GRIN2B: variants seen among roughly 807,000 people sequenced by gnomAD.
GRIN2B encodes the protein glutamate receptor ionotropic, NMDA 2B.
GRIN2B carries 5 observed loss-of-function variants against 114.5 expected under a neutral mutation model. The observed-to-expected ratio is 0.04, with a 90% CI of 0.02 to 0.09. The LOEUF is 0.09. Ranked by LOEUF, GRIN2B falls within the 10% of genes least tolerant of loss-of-function variation. The pLI is 1.00. For missense variants in GRIN2B, 1,108 were observed against 1,943.5 expected, an observed-to-expected ratio of 0.57 and a Z score of 8.08; for synonymous variants, 787 against 745.1, an observed-to-expected ratio of 1.06 and a Z score of -0.92.
At chr12:13,823,267 G>A (rs1164358467) in intron 3 of GRIN2B, among the ~76,000 whole-genome samples, 1 of 152,004 alleles carries the variant, frequency 6.6e-6, no homozygotes, top group Non-Finnish European at 1.5e-5. Context: ...AAAGAGAGTT[G>A]AAATCTTAAA....
At position 13,697,191 on chromosome 12, in the gene GRIN2B, C is replaced by T. The variant is rs893176757; in HGVS notation, c.1011-21332G>A. Among the ~76,000 whole-genome samples the T allele has an allele frequency of 2.6e-5, 4 of 152,120 alleles. No individual in the cohort carries two copies. The South Asian group carries it at 8.3e-4, about 32-fold the overall frequency. On this transcript the variant is annotated intron_variant, in intron 4 of 13. Coordinates refer to ENST00000609686, the MANE Select transcript of GRIN2B (RefSeq NM_000834.5). ...AAATTCTGAGTTGCCATGAATTACT[C>T]CCACAACTCAGGAGAGAGGCAAAGA...
chr12:13,605,688 C>T lies in GRIN2B; in HGVS notation c.2010+2915G>A, dbSNP rs1166597290. Among the ~76,000 whole-genome samples the T allele has an allele frequency of 4.0e-5, 6 of 151,876 alleles. No individual in the cohort carries two copies. The East Asian group carries it at 1.2e-3, about 29-fold the overall frequency. On this transcript the variant is annotated intron_variant, in intron 10 of 13. Transcript: ENST00000609686. The stretch of plus-strand genomic sequence containing the variant: ...GCATATCCTGTCCGCTTTAAGAAGC[C>T]TAGAAATGGTACTTATTTCAAAATC...
intron 10 of GRIN2B, among the ~76,000 whole-genome samples, chr12:13,606,956 A>G (rs1200064380): frequency 1.3e-5 from 2 of 151,054 alleles, no homozygotes; most frequent in Non-Finnish European, 2.9e-5. Context: ...TAAAGCAAAA[A>G]GGAAGACAAA....
At chr12:13,756,234 T>C (rs1410226494) in intron 3 of GRIN2B, among the ~76,000 whole-genome samples, 2 of 152,178 alleles carry the variant, frequency 1.3e-5, no homozygotes, top group Non-Finnish European at 2.9e-5. Flanking sequence ...CAGGCTGGTC[T>C]TGAACTCCTA....
chr12:13,850,894 T>C (rs897113839), intron 3 of GRIN2B, among the ~76,000 whole-genome samples: 4 of 152,172 alleles, frequency 2.6e-5, no homozygotes, highest in African/African-American at 7.2e-5. Flanking sequence ...TCTGATTCTC[T>C]TTCTTCATCT....
chr12:13,606,370 G>A (rs987085367), intron 10 of GRIN2B, among the ~76,000 whole-genome samples: 2 of 152,192 alleles, frequency 1.3e-5, no homozygotes, highest in Admixed American at 6.5e-5. Context: ...GAGGAAGCAA[G>A]AGAGAGGGGA....
intron 10 of GRIN2B, among the ~76,000 whole-genome samples, chr12:13,578,389 C>T (rs1361057175): frequency 6.6e-6 from 1 of 152,206 alleles, no homozygotes; most frequent in Non-Finnish European, 1.5e-5. Flanking sequence ...CTGAGAGAAT[C>T]GGTGCACCAT....
intron 3 of GRIN2B, among the ~76,000 whole-genome samples, chr12:13,833,664 G>A (rs191179951): frequency 9.9e-4 from 151 of 152,228 alleles, no homozygotes; most frequent in South Asian, 2.5e-3. Context: ...TGCAAACATG[G>A]GACTGATAGA....
At chr12:13,731,549 C>T (rs7980772) in intron 4 of GRIN2B, among the ~76,000 whole-genome samples, 1,932 of 152,112 alleles carry the variant, frequency 0.013, 39 homozygotes, top group African/African-American at 0.044. Context: ...TGCAGTGAGC[C>T]GAGATTGCAC....
chr12:13,711,363 C>A (rs977188114), intron 4 of GRIN2B, among the ~76,000 whole-genome samples: 5 of 152,082 alleles, frequency 3.3e-5, no homozygotes, highest in African/African-American at 1.2e-4. Flanking sequence ...GCAACAAAAG[C>A]CAAAATTGAG....
Position 13,931,197 on chromosome 12 carries a change from G to T in GRIN2B, c.-19+48731C>A, listed in dbSNP as rs1867024733. 2.0e-5 allele frequency among the ~76,000 whole-genome samples: 3 copies of T among 152,198 alleles called. No homozygotes were observed. In the South Asian group the frequency reaches 6.2e-4, roughly 32 times the overall value. The stretch of plus-strand genomic sequence containing the variant: ...CAGTGGCATTTATTTCCTAATACTT[G>T]CAGAACATCATTTACTCACACTCTA... On this transcript the variant is annotated intron_variant, in intron 2 of 13. Transcript: ENST00000609686.
intron 2 of GRIN2B, among the ~76,000 whole-genome samples, chr12:13,971,329 G>A (rs1236816574): frequency 6.6e-6 from 1 of 152,128 alleles, no homozygotes; most frequent in Non-Finnish European, 1.5e-5. Flanking sequence ...ATAAATCTGG[G>A]TTTTTTCTTG....
intron 3 of GRIN2B, among the ~76,000 whole-genome samples, chr12:13,781,021 A>G (rs1251169430): frequency 6.6e-6 from 1 of 152,214 alleles, no homozygotes; most frequent in East Asian, 1.9e-4. Flanking sequence ...AGGACACTCA[A>G]CAAAGTTCCT....
At chr12:13,609,822 A>G (rs1949341235) in intron 9 of GRIN2B, among the ~76,000 whole-genome samples, 1 of 152,084 alleles carries the variant, frequency 6.6e-6, no homozygotes, top group Non-Finnish European at 1.5e-5. Context: ...AAGTCATAGA[A>G]TCCTGGCCTG....
intron 10 of GRIN2B, among the ~76,000 whole-genome samples, chr12:13,607,293 T>A (rs5796552): frequency 3.6e-4 from 21 of 58,062 alleles, no homozygotes; most frequent in African/African-American, 5.1e-4. Flanking sequence ...ATATATTATA[T>A]AAAAATATAT....
chr12:13,604,873 A>G (rs1193838119), intron 10 of GRIN2B, among the ~76,000 whole-genome samples: 1 of 152,220 alleles, frequency 6.6e-6, no homozygotes, highest in Admixed American at 6.5e-5. Context: ...ATGTTGACAG[A>G]TTCTGGTAGG....
intron 3 of GRIN2B, among the ~76,000 whole-genome samples, chr12:13,762,694 T>C (rs1001910037): frequency 1.3e-5 from 2 of 152,212 alleles, no homozygotes; most frequent in African/African-American, 4.8e-5. Flanking sequence ...CTTGTACACA[T>C]GGGCCTCTTC....
intron 10 of GRIN2B, among the ~76,000 whole-genome samples, chr12:13,577,402 A>G (rs1227447262): frequency 6.6e-6 from 1 of 152,136 alleles, no homozygotes; most frequent in Non-Finnish European, 1.5e-5. Context: ...ATGACCTCAA[A>G]GTGAATTAGT....
intron 5 of GRIN2B, among the ~76,000 whole-genome samples, chr12:13,619,712 A>G (rs1949492462): frequency 6.6e-6 from 1 of 152,232 alleles, no homozygotes; most frequent in East Asian, 1.9e-4. Context: ...CACTGACCAT[A>G]TCTAGTAATC....
Sources: allele counts gnomAD v4.1 joint callset (sites outside exome capture counted in the v4.1 genomes callset), GRCh38; gene constraint gnomAD v4.1.1; transcripts MANE v1.5; gene names NCBI Gene and HGNC (gene_info 2026-07-23, HGNC 2026-07-21).